The following CSPG4 variants were observed in gnomAD, a reference collection of about 807,000 sequenced individuals.
The protein encoded by CSPG4 is chondroitin sulfate proteoglycan 4 (melanoma-associated).
A neutral mutation model predicts 139.3 loss-of-function variants in CSPG4; 74 were observed. The ratio of observed to expected loss-of-function variants is 0.53; its 90% CI spans 0.44 to 0.64. CSPG4 has a LOEUF of 0.64. Among genes scored for constraint, CSPG4 ranks in the 30% least tolerant of loss-of-function variants. CSPG4 has a pLI of 0.00. For missense variants in CSPG4, 2,565 were observed against 3,148.3 expected, an observed-to-expected ratio of 0.81 and a Z score of 4.43; for synonymous variants, 1,234 against 1,394.2, an observed-to-expected ratio of 0.89 and a Z score of 2.56.
chr15:75,712,868 G>A (rs1596015918), upstream of CSPG4: 13 of 882,764 alleles, frequency 1.5e-5, no homozygotes, highest in East Asian at 1.9e-4. Flanking sequence ...CCGGGTGTCC[G>A]CGCACTTAAC....
intron 1 of CSPG4, among the ~76,000 whole-genome samples, chr15:75,711,736 G>C (rs565548213): frequency 5.4e-4 from 83 of 152,346 alleles, no homozygotes; most frequent in African/African-American, 1.9e-3. Context: ...AGGTGTAGCT[G>C]AAGCACTGAA....
chr15:75,690,214 G>A lies in CSPG4; in HGVS notation c.851C>T (p.Pro284Leu), dbSNP rs1465297493. 3 of 1,613,380 alleles carry A rather than the reference G, an allele frequency of 1.9e-6. No individual in the cohort carries two copies. The South Asian group carries it at 3.3e-5, about 18-fold the overall frequency. Residue 284 changes from proline (P) to leucine (L), a missense_variant, in exon 3 of 10, where the codon CCC (proline) becomes CTC (leucine). Coordinates refer to ENST00000308508, the MANE Select transcript of CSPG4 (RefSeq NM_001897.5). ...ATTGATGTGGACACTGACCTCATGG[G>A]GCTGCCCATCGGCCACAGGCACACT... Reference protein sequence around the residue: ...HNSVPVADGQPHEVSVHINAH... With the variant: ...HNSVPVADGQLHEVSVHINAH...
intron 1 of CSPG4, among the ~76,000 whole-genome samples, chr15:75,699,906 C>A (rs1353243250): frequency 4.6e-5 from 7 of 152,294 alleles, no homozygotes; most frequent in Non-Finnish European, 8.8e-5. Context: ...TCCTTTCCCC[C>A]ACTTTCCTGG....
intron 1 of CSPG4, among the ~76,000 whole-genome samples, chr15:75,708,844 T>C (rs1235279804): frequency 6.6e-6 from 1 of 152,190 alleles, no homozygotes; most frequent in Non-Finnish European, 1.5e-5. Context: ...CTGGGCAACA[T>C]AGTGAGACCT....
At chr15:75,703,297 T>TG (rs1894328389) in intron 1 of CSPG4, among the ~76,000 whole-genome samples, 1 of 143,668 alleles carries the variant, frequency 7.0e-6, no homozygotes, top group Non-Finnish European at 1.5e-5. Flanking sequence ...GAGAGCGGGA[T>TG]GGGGGGATGG....
intron 1 of CSPG4, among the ~76,000 whole-genome samples, chr15:75,705,296 C>T (rs974816485): frequency 6.6e-6 from 1 of 152,242 alleles, no homozygotes; most frequent in Non-Finnish European, 1.5e-5. Context: ...GAGCCCACCT[C>T]TCCTTTTCCA....
At chr15:75,701,074 G>A (rs546976685) in intron 1 of CSPG4, among the ~76,000 whole-genome samples, 1 of 152,278 alleles carries the variant, frequency 6.6e-6, no homozygotes, top group Admixed American at 6.5e-5. Context: ...CCTGGATAGA[G>A]GGACTGACAC....
intron 1 of CSPG4, among the ~76,000 whole-genome samples, chr15:75,709,951 C>A (rs1894426106): frequency 6.6e-6 from 1 of 151,848 alleles, no homozygotes; most frequent in Non-Finnish European, 1.5e-5. Flanking sequence ...CTGGGCCCTG[C>A]CCTGCTCCGG....
Position 75,677,826 on chromosome 15 carries a change from G to A in CSPG4, c.5011C>T (p.His1671Tyr). 6.2e-7 allele frequency: 1 copy of A among 1,612,740 alleles called. No individual in the cohort carries two copies. Among genetic ancestry groups the A allele is most frequent in the South Asian group, 1.1e-5 (1 of 90,974 alleles). Residue 1671 changes from histidine to tyrosine, a missense_variant, in exon 9 of 10, where the codon CAT becomes TAT. Transcript: ENST00000308508. ...GACAGCTGGAGCTCTAGGGTATCAT[G>A]GGCCTCCCAAAAGGGCTCGGGGGGC... ...EMPPEPFWEA[H>Y]DTLELQLSSP...
At position 75,688,475 on chromosome 15, in the gene CSPG4, G is replaced by C; in HGVS notation, c.2590C>G (p.Arg864Gly). 1 of 1,613,250 alleles carries C rather than the reference G, an allele frequency of 6.2e-7. No homozygotes were observed. Among genetic ancestry groups the C allele is most frequent in the Non-Finnish European group, 8.5e-7 (1 of 1,180,032 alleles). Residue 864 changes from arginine (R) to glycine (G), a missense_variant, in exon 3 of 10, where the codon CGT becomes GGT. By Grantham distance (125) the Arg-to-Gly change is moderately radical. Transcript: ENST00000308508. ...GTGTCCTCGACTGCCTCTGAGGCAC[G>C]TGCTGTGGCCCCATAGGTCACCCGG... ...AGRVTYGATA[R>G]ASEAVEDTFR...
rs1177986111 is a variant in CSPG4 at position 75,677,727 on chromosome 15, G to C, written c.5110C>G (p.Pro1704Ala). The change falls in exon 9 of 10, where the codon CCC becomes GCC. Residue 1704 changes from proline (P) to alanine (A), a missense_variant. By Grantham distance (27) the Pro-to-Ala change is conservative. This residue lies in a region of CSPG4 where 2,316 missense variants were observed against 2,818.2 expected (regional missense o/e 0.82). Coordinates refer to ENST00000308508, the MANE Select transcript of CSPG4 (RefSeq NM_001897.5). ...CCTTTGTTCTTCCAGAGGTGGCTGG[G>C]GCGCTGGGGACAGGCAGCCTCAAAA... ...VSFEAACPQRPSHLWKNKGLW... is the reference protein window; with the variant it reads ...VSFEAACPQRASHLWKNKGLW... 6.2e-7 allele frequency: 1 copy of C among 1,604,668 alleles called. No individual in the cohort carries two copies. The highest frequency in any genetic ancestry group is 1.3e-5 in the African/African-American group (1 of 74,158).
rs556501967 is a variant in CSPG4 at position 75,684,515 on chromosome 15, C to A, written c.4449+221G>T. ...CGTGGCCGCTCAGAAGTCTGCCTACCATACTTGCAAACATCCAATAAAAAA... is the reference window on the plus strand; with the variant it reads ...CGTGGCCGCTCAGAAGTCTGCCTACAATACTTGCAAACATCCAATAAAAAA... On this transcript the variant is annotated intron_variant, in intron 5 of 9. Transcript: ENST00000308508. Among the ~76,000 whole-genome samples, 13 of 152,352 alleles carry A rather than the reference C, an allele frequency of 8.5e-5. No homozygotes were observed. In the South Asian group the frequency reaches 2.7e-3, roughly 32 times the overall value.
chr15:75,682,871 G>A lies in CSPG4; in HGVS notation c.4620C>T (p.Asp1540=), dbSNP rs572824250. 3.1e-5 allele frequency: 50 copies of A among 1,610,132 alleles called. No homozygotes were observed. The highest frequency in any genetic ancestry group is 2.7e-4 in the Admixed American group (16 of 59,924). The part of the protein sequence containing the change: ...EVRSFTQAQL[D]GGLVLFSHRG... ...TGTGTGAGAACAGCACGAGCCCGCC[G>A]TCCAGCTGGGCCTGCGTGAAGCTGC... Residue 1540 remains aspartate, a synonymous_variant, in exon 6 of 10, where the codon GAC becomes GAT. Coordinates refer to ENST00000308508, the MANE Select transcript of CSPG4 (RefSeq NM_001897.5).
chr15:75,688,066 C>T lies in CSPG4; in HGVS notation c.2999G>A (p.Trp1000Ter), dbSNP rs936674214. The change falls in exon 3 of 10, where the codon TGG (tryptophan) becomes TAG (stop). Residue 1000 changes from tryptophan to a stop codon, truncating the protein, a stop_gained. Coordinates refer to ENST00000308508, the MANE Select transcript of CSPG4 (RefSeq NM_001897.5). LOFTEE classifies it high-confidence loss of function. Reference protein sequence around the residue: ...RQGESSGDMAWEEVRGVFRVA... With the variant: ...RQGESSGDMA Reference sequence around the variant, plus strand: ...TCGGAAGACACCCCGTACCTCCTCCCAGGCCATGTCACCACTGCTCTCGCC... The same window carrying T: ...TCGGAAGACACCCCGTACCTCCTCCTAGGCCATGTCACCACTGCTCTCGCC... The T allele has an allele frequency of 1.2e-6, 2 of 1,612,692 alleles. No homozygotes were observed. The highest frequency in any genetic ancestry group is 1.3e-5 in the African/African-American group (1 of 74,942).
chr15:75,678,760 C>T (rs1350785892), intron 8 of CSPG4: 2 of 456,338 alleles, frequency 4.4e-6, no homozygotes, highest in Admixed American at 4.7e-5. Flanking sequence ...CTCCCCCAGG[C>T]ATTCTTGGGT....
upstream of CSPG4, chr15:75,712,911 C>A (rs1202126241): frequency 1.7e-6 from 1 of 580,480 alleles, no homozygotes; most frequent in Non-Finnish European, 2.9e-6. Context: ...ACCCGCGCGC[C>A]CGCTCGGGTT....
chr15:75,698,740 CA>C lies in CSPG4; in HGVS notation c.89-5508del, dbSNP rs1894261808. On this transcript the variant is annotated intron_variant, in intron 1 of 9. Transcript: ENST00000308508. This position sits in a 1 kb window ranked among gnomAD's most constrained non-coding sequence, Gnocchi z 4.3. ...GGAGAAGCTGTCTGGTGTGCCTACT[CA>C]GGGGTGAGCCCCTCTCAAACCTCCT... 6.6e-6 allele frequency among the ~76,000 whole-genome samples: 1 copy of C among 152,148 alleles called. No individual in the cohort carries two copies.
At position 75,690,575 on chromosome 15, in the gene CSPG4, G is replaced by A; in HGVS notation, c.490C>T (p.Arg164Ter). Reference sequence around the variant, plus strand: ...GCATGGAGGCAACCCCTCAGGGGTCGGCTGGTTCCCCTCAGGTAGGGCAGG... The same window carrying A: ...GCATGGAGGCAACCCCTCAGGGGTCAGCTGGTTCCCCTCAGGTAGGGCAGG... ...LGLPYLRGTS[R>*]PLRGCLHAAT... Residue 164 changes from arginine to a stop codon, truncating the protein, a stop_gained, in exon 3 of 10, where the codon CGA (arginine) becomes TGA (stop). Transcript: ENST00000308508. LOFTEE classifies it high-confidence loss of function. 3 of 1,608,266 alleles carry A rather than the reference G, an allele frequency of 1.9e-6. No homozygotes were observed. The highest frequency in any genetic ancestry group is 2.5e-6 in the Non-Finnish European group (3 of 1,178,282).
chr15:75,686,797 G>A (rs950235885), intron 3 of CSPG4, among the ~76,000 whole-genome samples: 2 of 152,244 alleles, frequency 1.3e-5, no homozygotes, highest in East Asian at 1.9e-4. Flanking sequence ...TGGAGGGCCC[G>A]TGGTTGCTCT....
Sources: allele counts gnomAD v4.1 joint callset (sites outside exome capture counted in the v4.1 genomes callset), GRCh38; gene constraint gnomAD v4.1.1; regional missense constraint gnomAD v4.1.1; non-coding constraint Gnocchi (gnomAD v3.1); transcripts MANE v1.5; gene names NCBI Gene and HGNC (gene_info 2026-07-23, HGNC 2026-07-21).